The following ZNF782 variants were observed in gnomAD, a reference collection of about 807,000 sequenced individuals.
ZNF782 encodes the protein zinc finger protein 782.
In ZNF782, 12 loss-of-function variants were observed where a neutral mutation model predicts 13.0. The ratio of observed to expected loss-of-function variants is 0.92; its 90% CI spans 0.59 to 1.50. ZNF782 has a LOEUF of 1.50. Among genes scored for constraint, ZNF782 ranks in the 40% most tolerant of loss-of-function variants. The pLI is 0.00. For synonymous variants in ZNF782, 284 were observed against 283.0 expected (o/e 1.00, Z -0.04); for missense variants, 770 against 822.9 (o/e 0.94, Z 0.79).
At chr9:96,875,437 T>C (rs1317703468) in intron 1 of ZNF782, 1 of 456,452 alleles carries the variant, frequency 2.2e-6, no homozygotes, top group Non-Finnish European at 4.4e-6. Context: ...AGAAACCTCT[T>C]ACCCGGTTCC....
At chr9:96,832,180 T>C (rs1564001621) in intron 4 of ZNF782, among the ~76,000 whole-genome samples, 1 of 152,224 alleles carries the variant, frequency 6.6e-6, no homozygotes, top group African/African-American at 2.4e-5. Flanking sequence ...ATATATTAAA[T>C]TATACACATA....
At chr9:96,868,552 A>G (rs541127359) in intron 1 of ZNF782, among the ~76,000 whole-genome samples, 60 of 152,346 alleles carry the variant, frequency 3.9e-4, no homozygotes, top group African/African-American at 1.3e-3. Context: ...AAAAAGCTGA[A>G]GGCTTGACTA....
the ZNF782 span, among the ~76,000 whole-genome samples, chr9:96,885,777 A>C: frequency 1.3e-5 from 2 of 152,040 alleles, no homozygotes; most frequent in African/African-American, 4.8e-5. Context: ...CAGAGCCTCA[A>C]TTTAAATAAC....
rs1850187024 is a variant in ZNF782, at chr9:96,816,775, A to G, written c.*1148T>C. ...TCTGTGTGTGTGAAGAATTTCCTAT[A>G]TTTGTTAAAATGTCAGATTTCTTAT... On this transcript the variant is annotated 3_prime_UTR_variant, in exon 6 of 6. Transcript: ENST00000481138. 6.6e-6 allele frequency: 1 copy of G among 152,086 alleles called. No individual in the cohort carries two copies. Among genetic ancestry groups the G allele is most frequent in the Non-Finnish European group, 1.5e-5 (1 of 68,008 alleles). 9.4% of individuals were successfully genotyped at this position (152,086 alleles called of 1,614,324 possible).
chr9:96,883,218 T>C, the ZNF782 span, among the ~76,000 whole-genome samples: 2 of 152,220 alleles, frequency 1.3e-5, no homozygotes, highest in East Asian at 1.9e-4. Context: ...TCCCAAAATA[T>C]GGGGTGTGGA....
intron 5 of ZNF782, among the ~76,000 whole-genome samples, chr9:96,824,012 C>G (rs1005913552): frequency 3.3e-5 from 5 of 152,164 alleles, no homozygotes; most frequent in African/African-American, 1.2e-4. Flanking sequence ...TGAAACTATT[C>G]CAATCAACAG....
At chr9:96,822,105 C>G (rs537684591) in intron 5 of ZNF782, among the ~76,000 whole-genome samples, 37 of 152,292 alleles carry the variant, frequency 2.4e-4, no homozygotes, top group Admixed American at 1.8e-3. Context: ...CAGTGTGCCT[C>G]AAAATTACCT....
intron 3 of ZNF782, among the ~76,000 whole-genome samples, chr9:96,847,505 T>C (rs1162590521): frequency 6.6e-6 from 1 of 151,974 alleles, no homozygotes; most frequent in African/African-American, 2.4e-5. Flanking sequence ...ACCACAGAAA[T>C]ACAAAAGATC....
intron 4 of ZNF782, among the ~76,000 whole-genome samples, chr9:96,843,770 A>G (rs1851259007): frequency 6.6e-6 from 1 of 152,216 alleles, no homozygotes; most frequent in South Asian, 2.1e-4. Context: ...ATAAATCTAT[A>G]ATTATTTCAA....
Position 96,819,340 on chromosome 9 carries a change from G to A in ZNF782, c.683C>T (p.Ala228Val). ...GGTACTGTTAGATGTAACAAGGGCA[G>A]CCTTTTCAAGAAAAGCTTTTCTACT... Reference protein sequence around the residue: ...NESRKAFLEKAALVTSNSTHP... With the variant: ...NESRKAFLEKVALVTSNSTHP... Residue 228 changes from alanine to valine, a missense_variant, in exon 6 of 6, where the codon GCT becomes GTT. Ala to Val is a moderately conservative substitution (Grantham distance 64). Transcript: ENST00000481138. 6.2e-7 allele frequency: 1 copy of A among 1,601,392 alleles called. No homozygotes were observed. Among genetic ancestry groups the A allele is most frequent in the Non-Finnish European group, 8.5e-7 (1 of 1,175,730 alleles).
At chr9:96,894,392 C>A in the ZNF782 span, 1 of 152,116 alleles carries the variant, frequency 6.6e-6, no homozygotes, top group African/African-American at 2.4e-5. Flanking sequence ...CATATCTGAT[C>A]AGGGCTTCAT....
At chr9:96,929,565 CT>C in the ZNF782 span, among the ~76,000 whole-genome samples, 4 of 152,124 alleles carry the variant, frequency 2.6e-5, no homozygotes, top group African/African-American at 9.7e-5. Context: ...GTGGGCAAGG[CT>C]GGGGGCCACT....
chr9:96,922,618 C>CA, the ZNF782 span, among the ~76,000 whole-genome samples: 10 of 152,098 alleles, frequency 6.6e-5, no homozygotes, highest in South Asian at 2.1e-4. Flanking sequence ...TAAAAAAATC[C>CA]AAAAAAATAG....
intron 4 of ZNF782, among the ~76,000 whole-genome samples, chr9:96,827,668 C>T (rs1850671653): frequency 6.6e-6 from 1 of 152,102 alleles, no homozygotes; most frequent in Non-Finnish European, 1.5e-5. Context: ...ACCTAAGTAA[C>T]ATAAAATTCT....
chr9:96,874,736 T>C (rs578150467), intron 1 of ZNF782, among the ~76,000 whole-genome samples: 1 of 152,360 alleles, frequency 6.6e-6, no homozygotes, highest in African/African-American at 2.4e-5. Context: ...GAAAGATTCC[T>C]GTTCCCAGTG....
Position 96,819,315 on chromosome 9 carries a change from G to A in ZNF782, c.708C>T (p.Thr236=). The A allele has an allele frequency of 6.2e-7, 1 of 1,609,986 alleles. No individual in the cohort carries two copies. Among genetic ancestry groups the A allele is most frequent in the Middle Eastern group, 1.7e-4 (1 of 6,032 alleles). Residue 236 remains threonine (T), a synonymous_variant, in exon 6 of 6, where the codon ACC becomes ACT. Coordinates refer to ENST00000481138, the MANE Select transcript of ZNF782 (RefSeq NM_001001662.3). ...EKAALVTSNS[T]HPKGKSYNFN... ...AATTGTAAGATTTTCCTTTTGGGTG[G>A]GTACTGTTAGATGTAACAAGGGCAG...
At chr9:96,851,001 G>A (rs941563881) in intron 3 of ZNF782, among the ~76,000 whole-genome samples, 13 of 151,962 alleles carry the variant, frequency 8.6e-5, no homozygotes, top group South Asian at 2.1e-4. Flanking sequence ...ATGGTAAAGC[G>A]GTGTGAAAAT....
chr9:96,842,183 G>A (rs556087319), intron 4 of ZNF782, among the ~76,000 whole-genome samples: 50 of 151,994 alleles, frequency 3.3e-4, no homozygotes, highest in Admixed American at 1.4e-3. Context: ...ACTGAAGCAA[G>A]AAATCAAGAT....
intron 4 of ZNF782, among the ~76,000 whole-genome samples, chr9:96,843,364 CG>C (rs1851244851): frequency 6.6e-6 from 1 of 152,124 alleles, no homozygotes; most frequent in Non-Finnish European, 1.5e-5. Flanking sequence ...GAATGAACTA[CG>C]GATACACTAC....
Sources: allele counts gnomAD v4.1 joint callset (sites outside exome capture counted in the v4.1 genomes callset), GRCh38; gene constraint gnomAD v4.1.1; transcripts MANE v1.5; gene names NCBI Gene and HGNC (gene_info 2026-07-23, HGNC 2026-07-21).